ARID1B: variants seen among roughly 807,000 people sequenced by gnomAD.
ARID1B encodes the protein AT-rich interactive domain-containing protein 1B.
ARID1B carries 30 observed loss-of-function variants against 212.3 expected under a neutral mutation model. That is an observed-to-expected ratio of 0.14 (90% CI 0.11 to 0.19). The LOEUF is 0.19. ARID1B is among the 10% of genes least tolerant of loss of function. ARID1B has a pLI of 1.00. For synonymous variants in ARID1B, 1,402 were observed against 1,301.7 expected (o/e 1.08, Z -1.66); for missense variants, 2,891 against 3,204.0 (o/e 0.90, Z 2.36).
intron 1 of ARID1B, among the ~76,000 whole-genome samples, chr6:156,813,031 C>CATAT (rs11372443): frequency 1.3e-3 from 94 of 71,678 alleles, no homozygotes; most frequent in African/African-American, 3.6e-3. Context: ...TATGTATATA[C>CATAT]ATATATATAT....
At chr6:156,831,662 T>G (rs1392993359) in intron 2 of ARID1B, among the ~76,000 whole-genome samples, 2 of 152,246 alleles carry the variant, frequency 1.3e-5, no homozygotes, top group Non-Finnish European at 2.9e-5. Flanking sequence ...TTTCTTAGCT[T>G]CTTCCATTTA....
intron 5 of ARID1B, among the ~76,000 whole-genome samples, chr6:157,088,062 T>C (rs1040047093): frequency 7.2e-5 from 11 of 152,240 alleles, no homozygotes; most frequent in Non-Finnish European, 1.3e-4. Flanking sequence ...TTTTCCCTCT[T>C]TTTGCCTGTG....
chr6:156,851,823 T>A (rs1333787891), intron 2 of ARID1B, among the ~76,000 whole-genome samples: 2 of 152,200 alleles, frequency 1.3e-5, no homozygotes, highest in African/African-American at 4.8e-5. Context: ...TTTAAAAGAT[T>A]CTAGGCTTGA....
chr6:156,876,798 T>C (rs1786596332), intron 2 of ARID1B, among the ~76,000 whole-genome samples: 1 of 152,230 alleles, frequency 6.6e-6, no homozygotes, highest in South Asian at 2.1e-4. Context: ...TACTTCCAGA[T>C]CATTCTCACT....
chr6:157,041,994 C>T (rs1781913838), intron 4 of ARID1B, among the ~76,000 whole-genome samples: 1 of 152,162 alleles, frequency 6.6e-6, no homozygotes, highest in Non-Finnish European at 1.5e-5. Context: ...GTGGCTTCCT[C>T]AGCAGCGTTT....
intron 1 of ARID1B, among the ~76,000 whole-genome samples, chr6:156,808,650 A>G (rs1381717123): frequency 2.6e-5 from 4 of 152,220 alleles, no homozygotes; most frequent in Non-Finnish European, 4.4e-5. Context: ...CTAACTCTCT[A>G]TAAAGAAGTC....
At position 157,200,076 on chromosome 6, in the gene ARID1B, T is replaced by C. The variant is rs1001624124; in HGVS notation, c.4480-629T>C. Reference sequence around the variant, plus strand: ...AGTCCCACCTACCCCGATTAAGCACTGGTCCCGGAGCATCCTGGGAAGCAA... The same window carrying C: ...AGTCCCACCTACCCCGATTAAGCACCGGTCCCGGAGCATCCTGGGAAGCAA... On this transcript the variant is annotated intron_variant, in intron 17 of 19. Transcript: ENST00000636930. This position sits in a 1 kb window ranked among gnomAD's most constrained non-coding sequence, Gnocchi z 4.3. Among the ~76,000 whole-genome samples, 6 of 152,172 alleles carry C rather than the reference T, an allele frequency of 3.9e-5. No homozygotes were observed. The highest frequency in any genetic ancestry group is 1.2e-4 in the African/African-American group (5 of 41,434).
intron 2 of ARID1B, among the ~76,000 whole-genome samples, chr6:156,843,308 TA>T (rs2128090763): frequency 6.6e-6 from 1 of 152,356 alleles, no homozygotes; most frequent in African/African-American, 2.4e-5. Context: ...ATACAATTTT[TA>T]AATTAAAAAG....
In ARID1B at chr6:157,189,748, T is replaced by C; in HGVS notation, c.4026T>C (p.Pro1342=). Residue 1342 remains proline, a synonymous_variant, in exon 14 of 20, where the codon CCT becomes CCC. Coordinates refer to ENST00000636930, the MANE Select transcript of ARID1B (RefSeq NM_001374828.1). ...AGCCACCTACCCCAGCCTCCACCCC[T>C]CACGGCCAGATGACTCCAATGCAAG... ...DLKPPTPAST[P]HGQMTPMQGG... is the part of the protein sequence containing the mutation. 1 of 1,613,914 alleles carries C rather than the reference T, an allele frequency of 6.2e-7. No homozygotes were observed. Among genetic ancestry groups the C allele is most frequent in the Non-Finnish European group, 8.5e-7 (1 of 1,179,968 alleles).
intron 2 of ARID1B, among the ~76,000 whole-genome samples, chr6:156,849,800 G>T (rs1440204501): frequency 6.6e-6 from 1 of 151,990 alleles, no homozygotes; most frequent in Non-Finnish European, 1.5e-5. Context: ...TCACAGTTTG[G>T]GTGGACCCTA....
chr6:156,811,775 T>C (rs934042328), intron 1 of ARID1B, among the ~76,000 whole-genome samples: 2 of 152,212 alleles, frequency 1.3e-5, no homozygotes, highest in African/African-American at 4.8e-5. Context: ...CATTGGACAT[T>C]AGGGTTTTGA....
intron 2 of ARID1B, among the ~76,000 whole-genome samples, chr6:156,897,231 C>A (rs1455795187): frequency 2.3e-5 from 2 of 85,508 alleles, no homozygotes; most frequent in African/African-American, 9.0e-5. Context: ...TCTTCTTCTT[C>A]TTCTTCTTCT....
At chr6:157,083,313 C>T (rs558935607) in intron 4 of ARID1B, among the ~76,000 whole-genome samples, 1 of 152,302 alleles carries the variant, frequency 6.6e-6, no homozygotes, top group African/African-American at 2.4e-5. Context: ...CTTCAGTTAT[C>T]AGGACAAGTA....
intron 2 of ARID1B, among the ~76,000 whole-genome samples, chr6:156,882,049 G>T (rs1183071416): frequency 6.6e-6 from 1 of 152,096 alleles, no homozygotes; most frequent in African/African-American, 2.4e-5. Flanking sequence ...GCATGGCCCT[G>T]GGAATTAATA....
At chr6:156,803,770 G>A (rs566294886) in intron 1 of ARID1B, among the ~76,000 whole-genome samples, 146 of 150,938 alleles carry the variant, frequency 9.7e-4, no homozygotes, top group African/African-American at 3.5e-3. Context: ...TTTTTCCTGG[G>A]TGTCTGTTAT....
At chr6:156,970,051 GT>G (rs66473280) in intron 4 of ARID1B, among the ~76,000 whole-genome samples, 39,841 of 150,790 alleles carry the variant, frequency 0.26, 5,692 homozygotes, top group Non-Finnish European at 0.31. Flanking sequence ...CTTTGACTTT[GT>G]TTTTTTTGTG....
chr6:156,793,088 G>T (rs1318761023), intron 1 of ARID1B, among the ~76,000 whole-genome samples: 1 of 152,196 alleles, frequency 6.6e-6, no homozygotes, highest in Admixed American at 6.5e-5. Flanking sequence ...ATGCCTACCT[G>T]GGAAGATGCA....
At chr6:157,023,058 T>C (rs1457407447) in intron 4 of ARID1B, 1 of 152,254 alleles carries the variant, frequency 6.6e-6, no homozygotes, top group East Asian at 1.9e-4. Context: ...ATAAAAATAA[T>C]AGCAGGGACA....
At chr6:157,143,995 G>A (rs555715887) in intron 7 of ARID1B, among the ~76,000 whole-genome samples, 73 of 152,322 alleles carry the variant, frequency 4.8e-4, no homozygotes, top group African/African-American at 1.8e-3. Flanking sequence ...GTGCATAGCT[G>A]TGCTCGAACG....
Sources: gnomAD v4.1 joint callset for allele counts (sites outside exome capture counted in the v4.1 genomes callset) on GRCh38, gnomAD v4.1.1 for gene constraint, Gnocchi (gnomAD v3.1) non-coding constraint, MANE v1.5 for transcripts, NCBI Gene and HGNC (gene_info 2026-07-23, HGNC 2026-07-21) for gene names.